PAXIP1: variants seen among roughly 807,000 people sequenced by gnomAD.
The protein encoded by PAXIP1 is PAX-interacting protein 1.
PAXIP1 carries 19 observed loss-of-function variants against 140.6 expected under a neutral mutation model. That is an observed-to-expected ratio of 0.14 (90% CI 0.09 to 0.20). PAXIP1 has a LOEUF of 0.20. Ranked by LOEUF, PAXIP1 falls within the 10% of genes least tolerant of loss-of-function variation. The pLI is 1.00. For synonymous variants in PAXIP1, 442 were observed against 444.6 expected, an observed-to-expected ratio of 0.99 and a Z score of 0.07; for missense variants, 920 against 1,208.6, an observed-to-expected ratio of 0.76 and a Z score of 3.54.
intron 9 of PAXIP1, 39 bp from the exon 10 acceptor site, chr7:154,962,497 T>C: frequency 1.9e-6 from 3 of 1,582,648 alleles, no homozygotes; most frequent in African/African-American, 1.3e-5. Context: ...GTTTTTGTTT[T>C]TCTGCTGCAG....
chr7:154,945,011 G>C (rs1807881883), intron 20 of PAXIP1: 1 of 144,862 alleles, frequency 6.9e-6, no homozygotes, highest in Non-Finnish European at 1.5e-5. Context: ...TTTAAAGACA[G>C]AGTTTCGCTC....
chr7:154,967,546 C>T (rs187254780), intron 8 of PAXIP1: 4 of 336,342 alleles, frequency 1.2e-5, no homozygotes, highest in South Asian at 1.3e-4. Context: ...ATTTCCATTG[C>T]CCCAATTATA....
In PAXIP1 at chr7:154,976,083, T is replaced by A. The variant is rs777431736; in HGVS notation, c.687A>T (p.Ser229=). The A allele has an allele frequency of 5.7e-6, 9 of 1,579,822 alleles. No individual in the cohort carries two copies. Among genetic ancestry groups the A allele is most frequent in the Non-Finnish European group, 7.8e-6 (9 of 1,161,134 alleles). Residue 229 remains serine (S), a synonymous_variant, in exon 6 of 21, where the codon TCA becomes TCT. Transcript: ENST00000404141. ...SPASSQEGSP[S]GDQQFSPKSN... is the part of the protein sequence containing the mutation. ...ATTTAGGTGAAAACTGCTGGTCACCTGAAGGAGACCCTTCTTGAGAGCTGG... is the reference window on the plus strand; with the variant it reads ...ATTTAGGTGAAAACTGCTGGTCACCAGAAGGAGACCCTTCTTGAGAGCTGG...
chr7:154,955,861 T>G (rs1035974794), intron 14 of PAXIP1, among the ~76,000 whole-genome samples: 1 of 152,212 alleles, frequency 6.6e-6, no homozygotes, highest in Non-Finnish European at 1.5e-5. Flanking sequence ...GGCATCCAAT[T>G]CACTTTTGGT....
In PAXIP1 at chr7:154,986,014, T is replaced by C. The variant is rs994236709; in HGVS notation, c.325-2682A>G. On this transcript the variant is annotated intron_variant, in intron 4 of 20. Coordinates refer to ENST00000404141, the MANE Select transcript of PAXIP1 (RefSeq NM_007349.4). The surrounding 1 kb of genome is among the most constrained non-coding windows in gnomAD (Gnocchi z 4.8). ...CACTCTTGACCTATTCCCCAAAACCTACCCAGCACATTACAACAGAGGCCT... is the reference window on the plus strand; with the variant it reads ...CACTCTTGACCTATTCCCCAAAACCCACCCAGCACATTACAACAGAGGCCT... 1 of 1,365,228 alleles carries C rather than the reference T, an allele frequency of 7.3e-7. No individual in the cohort carries two copies. The highest frequency in any genetic ancestry group is 1.5e-5 in the African/African-American group (1 of 67,712). The allele number at this position is 1,365,228 out of a possible 1,614,324, so 84.6% of individuals were successfully genotyped here.
At position 154,967,890 on chromosome 7, in the gene PAXIP1, A is replaced by G. The variant is rs758244376; in HGVS notation, c.1819T>C (p.Leu607=). ...TCCGCAATTGCAAACACACATCCCA[A>G]TAAGAAGCCTTCTTCTGGAACTAGA... ...AVEIPEEGFL[L]GCVFAIADYP... The change falls in exon 8 of 21, where the codon TTG becomes CTG. Residue 607 remains leucine, a synonymous_variant. Transcript: ENST00000404141. 10 of 1,612,802 alleles carry G rather than the reference A, an allele frequency of 6.2e-6. No homozygotes were observed. Among genetic ancestry groups the G allele is most frequent in the South Asian group, 1.1e-5 (1 of 90,902 alleles).
chr7:154,962,936 C>CAT lies in PAXIP1; in HGVS notation c.1990-480_1990-479dup, dbSNP rs200899256. Among the ~76,000 whole-genome samples, 619 of 152,156 alleles carry CAT rather than the reference C, an allele frequency of 4.1e-3. 4 individuals carry two copies. The highest frequency in any genetic ancestry group is 0.014 in the African/African-American group (595 of 41,486). On this transcript the variant is annotated intron_variant, in intron 9 of 20. Transcript: ENST00000404141. ...GGGGTGTCTTGGAAGTCATTTGTCA[C>CAT]ATATATATATAATCTGTCTACAATA... is the stretch of plus-strand genomic sequence containing the variant.
Position 154,976,987 on chromosome 7 carries a change from T to C in PAXIP1, c.439-656A>G, listed in dbSNP as rs565192015. Among the ~76,000 whole-genome samples the C allele has an allele frequency of 8.5e-5, 13 of 152,298 alleles. No individual in the cohort carries two copies. In the South Asian group the frequency reaches 2.7e-3, roughly 32 times the overall value. ...ACTGCTGAATGATGCAGTAACAGAC[T>C]GGAAGGGAATCTCATCAACATAAGC... On this transcript the variant is annotated intron_variant, in intron 5 of 20. Transcript: ENST00000404141.
rs141352103 is a variant in PAXIP1, at chr7:154,953,022, C to T, written c.2821+1233G>A. Among the ~76,000 whole-genome samples, 691 of 152,260 alleles carry T rather than the reference C, an allele frequency of 4.5e-3. 8 individuals are homozygous for T. The highest frequency in any genetic ancestry group is 0.016 in the African/African-American group (658 of 41,540). On this transcript the variant is annotated intron_variant, in intron 16 of 20. Transcript: ENST00000404141. ...GATATATACACTTCTAATTTATTTACATAAACATGAATTATATTTAAAATC... is the reference window on the plus strand; with the variant it reads ...GATATATACACTTCTAATTTATTTATATAAACATGAATTATATTTAAAATC...
intron 1 of PAXIP1, chr7:154,999,958 G>C (rs546388551): frequency 3.9e-5 from 6 of 152,378 alleles, no homozygotes; most frequent in Non-Finnish European, 7.3e-5. Context: ...CAGAAGCCAA[G>C]GAAGTGAGGG....
At chr7:154,998,106 A>G (rs927060644) in intron 2 of PAXIP1, among the ~76,000 whole-genome samples, 1 of 152,202 alleles carries the variant, frequency 6.6e-6, no homozygotes, top group Non-Finnish European at 1.5e-5. Context: ...ATTACTTACG[A>G]CATACAGAAG....
rs1387916418 is a variant in PAXIP1 at position 154,956,835 on chromosome 7, G to GCT, written c.2549+387_2549+388dup. 6.2e-6 allele frequency: 1 copy of GCT among 160,778 alleles called. No individual in the cohort carries two copies. The highest frequency in any genetic ancestry group is 2.4e-5 in the African/African-American group (1 of 41,594). The allele number at this position is 160,778 out of a possible 1,614,324, so 10.0% of individuals were successfully genotyped here. On this transcript the variant is annotated intron_variant, in intron 14 of 20. Transcript: ENST00000404141. The surrounding 1 kb of genome is among the most constrained non-coding windows in gnomAD (Gnocchi z 4.2). ...TACATGCTCTCTCGGCAGCCTACATGCTCTCTCGGCAGCCTACACGCTCTC... is the reference window on the plus strand; with the variant it reads ...TACATGCTCTCTCGGCAGCCTACATGCTCTCTCTCGGCAGCCTACACGCTCTC...
At position 154,969,126 on chromosome 7, in the gene PAXIP1, T is replaced by G. The variant is rs1809177203; in HGVS notation, c.1075A>C (p.Ile359Leu). The G allele has an allele frequency of 4.1e-6, 6 of 1,458,996 alleles. No homozygotes were observed. Among genetic ancestry groups the G allele is most frequent in the Non-Finnish European group, 5.4e-6 (6 of 1,102,808 alleles). The allele number at this position is 1,458,996 out of a possible 1,614,324, so 90.4% of individuals were successfully genotyped here. A position where few individuals can be genotyped will look rare whatever the true frequency, so the allele number is the denominator to read the frequency against. The change falls in exon 7 of 21, where the codon ATC becomes CTC. Residue 359 changes from isoleucine to leucine, a missense_variant and splice_region_variant. Physicochemically the swap from Ile to Leu is conservative, Grantham distance 5 (BLOSUM62 2). This residue lies in a region of PAXIP1 where 419 missense variants were observed against 514.7 expected (regional missense o/e 0.81). Transcript: ENST00000404141. ...GTAGGTGCTGAAAGAGTCTGTAAGATCTACAAAACAAAAGTTAGGTGAAAC... is the reference window on the plus strand; with the variant it reads ...GTAGGTGCTGAAAGAGTCTGTAAGAGCTACAAAACAAAAGTTAGGTGAAAC... Reference protein sequence around the residue: ...QMNRPSNVAHILQTLSAPTKN... With the variant: ...QMNRPSNVAHLLQTLSAPTKN...
chr7:154,999,128 C>T (rs1810773637), intron 1 of PAXIP1, among the ~76,000 whole-genome samples: 1 of 152,198 alleles, frequency 6.6e-6, no homozygotes, highest in African/African-American at 2.4e-5. Context: ...TGCTCCTGAG[C>T]TTCCAACTTA....
chr7:154,952,630 C>T (rs1009168897), intron 16 of PAXIP1, among the ~76,000 whole-genome samples: 3 of 152,120 alleles, frequency 2.0e-5, no homozygotes, highest in Non-Finnish European at 4.4e-5. Flanking sequence ...AATAAGGTAC[C>T]TTTAAACAGA....
In PAXIP1 at chr7:154,947,891, C is replaced by T. The variant is rs568073237; in HGVS notation, c.2922+12G>A. The T allele has an allele frequency of 1.6e-5, 26 of 1,576,614 alleles. No individual in the cohort carries two copies. The South Asian group carries it at 2.9e-4, about 17-fold the overall frequency. ...CTTACTTGGACTGATTTACTTTTCC[C>T]TTAAAGTGTACCTTAAAGAGTGGAG... On this transcript the variant is annotated intron_variant, in intron 17 of 20. Transcript: ENST00000404141.
At chr7:154,993,928 GATTA>G (rs1330289411) in intron 2 of PAXIP1, among the ~76,000 whole-genome samples, 159 bp from the exon 3 acceptor site, 14 of 152,138 alleles carry the variant, frequency 9.2e-5, no homozygotes, top group Admixed American at 8.5e-4. Context: ...TATAGTCAAA[GATTA>G]GTTACTAATA....
intron 3 of PAXIP1, among the ~76,000 whole-genome samples, chr7:154,991,628 C>T (rs1810335318): frequency 6.6e-6 from 1 of 152,080 alleles, no homozygotes; most frequent in South Asian, 2.1e-4. Context: ...ATATATGATT[C>T]CAAAGATCCT....
At chr7:154,980,329 T>A (rs1809781658) in intron 5 of PAXIP1, among the ~76,000 whole-genome samples, 1 of 152,198 alleles carries the variant, frequency 6.6e-6, no homozygotes, top group Non-Finnish European at 1.5e-5. Flanking sequence ...TTACAACAGA[T>A]ATACAACATT....
Sources: gnomAD v4.1 joint callset for allele counts (sites outside exome capture counted in the v4.1 genomes callset) on GRCh38, gnomAD v4.1.1 for gene constraint, gnomAD v4.1.1 regional missense constraint, Gnocchi (gnomAD v3.1) non-coding constraint, MANE v1.5 for transcripts, NCBI Gene and HGNC (gene_info 2026-07-23, HGNC 2026-07-21) for gene names.